Variants in TEAD1 observed in about 807,000 individuals in gnomAD.
The protein encoded by TEAD1 is transcriptional enhancer factor TEF-1.
TEAD1 carries 9 observed loss-of-function variants against 54.9 expected under a neutral mutation model. The ratio of observed to expected loss-of-function variants is 0.16; its 90% confidence interval spans 0.10 to 0.29. TEAD1 has a LOEUF of 0.29. Ranked by LOEUF, TEAD1 falls within the 10% of genes least tolerant of loss-of-function variation. TEAD1 has a pLI of 1.00. For missense variants in TEAD1, 387 were observed against 535.9 expected (o/e 0.72, Z 2.74); for synonymous variants, 200 against 187.8 (o/e 1.07, Z -0.53).
At chr11:12,857,217 A>T (rs1176240319) in intron 3 of TEAD1, among the ~76,000 whole-genome samples, 1 of 152,204 alleles carries the variant, frequency 6.6e-6, no homozygotes, top group African/African-American at 2.4e-5. Flanking sequence ...AATAAAATGA[A>T]ATAAAAACTA....
At chr11:12,818,510 A>G (rs1423033410) in intron 3 of TEAD1, among the ~76,000 whole-genome samples, 6 of 152,164 alleles carry the variant, frequency 3.9e-5, no homozygotes, top group African/African-American at 1.4e-4. Context: ...AATGGCCCTG[A>G]GTCCGGCATC....
At chr11:12,908,879 ATC>A (rs1417400881) in intron 10 of TEAD1, among the ~76,000 whole-genome samples, 16 of 79,626 alleles carry the variant, frequency 2.0e-4, no homozygotes, top group African/African-American at 3.4e-4. Flanking sequence ...ACTTCAAATT[ATC>A]TGTTTTTTTT....
chr11:12,864,679 A>C, intron 4 of TEAD1, 159 bp from the exon 5 acceptor site: 1 of 1,485,580 alleles, frequency 6.7e-7, no homozygotes, highest in Non-Finnish European at 8.9e-7. Context: ...AAACCCGAAC[A>C]ATGTAGGTGT....
chr11:12,733,726 T>C (rs1273763626), intron 2 of TEAD1, among the ~76,000 whole-genome samples: 4 of 152,228 alleles, frequency 2.6e-5, no homozygotes, highest in African/African-American at 9.6e-5. Context: ...TAACACTTGT[T>C]TGTGTGAATG....
At chr11:12,811,209 G>A (rs1189372471) in intron 3 of TEAD1, among the ~76,000 whole-genome samples, 2 of 152,206 alleles carry the variant, frequency 1.3e-5, no homozygotes, top group Non-Finnish European at 2.9e-5. Flanking sequence ...GCTTTCTTTC[G>A]CTGAAGCTTT....
intron 9 of TEAD1, among the ~76,000 whole-genome samples, chr11:12,899,288 C>T (rs1948377288): frequency 1.4e-5 from 1 of 73,636 alleles, no homozygotes; most frequent in Admixed American, 1.9e-4. Context: ...GGATACATAG[C>T]CAGTTGTCTA....
chr11:12,744,184 T>C (rs927121117), intron 2 of TEAD1, among the ~76,000 whole-genome samples: 3 of 152,170 alleles, frequency 2.0e-5, no homozygotes, highest in African/African-American at 7.2e-5. Flanking sequence ...AGACATGTCC[T>C]TTTTTTCAGA....
intron 2 of TEAD1, among the ~76,000 whole-genome samples, chr11:12,755,477 C>T (rs375078135): frequency 2.0e-5 from 3 of 151,978 alleles, no homozygotes; most frequent in African/African-American, 7.3e-5. Flanking sequence ...TTAGTCTACC[C>T]CAAGTGTATG....
intron 5 of TEAD1, among the ~76,000 whole-genome samples, chr11:12,865,901 A>G (rs1048697537): frequency 6.6e-6 from 1 of 152,178 alleles, no homozygotes; most frequent in Non-Finnish European, 1.5e-5. Flanking sequence ...CTATACAGTA[A>G]TTAAATTTGT....
At chr11:12,838,503 CAT>C (rs1307822738) in intron 3 of TEAD1, among the ~76,000 whole-genome samples, 49 of 152,258 alleles carry the variant, frequency 3.2e-4, no homozygotes, top group African/African-American at 1.1e-3. Context: ...AAATTAAAGA[CAT>C]GTTTCATGTG....
At chr11:12,915,062 C>G (rs2134148081) in intron 10 of TEAD1, among the ~76,000 whole-genome samples, 1 of 152,272 alleles carries the variant, frequency 6.6e-6, no homozygotes, top group Non-Finnish European at 1.5e-5. Flanking sequence ...TGGGGACAGT[C>G]CTCTTGATGT....
In TEAD1 at chr11:12,930,273, T is replaced by C. The variant is rs750268451; in HGVS notation, c.1114T>C (p.Leu372=). The change falls in exon 12 of 13, where the codon TTA becomes CTA. Residue 372 remains leucine (L), a synonymous_variant. Coordinates refer to ENST00000527636, the MANE Select transcript of TEAD1 (RefSeq NM_021961.6). Reference sequence around the variant, plus strand: ...CAACTTCATCCACAAGCTCAAACACTTACCAGAGAAATATATGATGAACAG... The same window carrying C: ...CAACTTCATCCACAAGCTCAAACACCTACCAGAGAAATATATGATGAACAG... The C allele has an allele frequency of 1.9e-6, 3 of 1,614,246 alleles. No homozygotes were observed. Among genetic ancestry groups the C allele is most frequent in the Middle Eastern group, 1.6e-4 (1 of 6,062 alleles).
chr11:12,880,107 G>T (rs1422145958), intron 6 of TEAD1, among the ~76,000 whole-genome samples: 2 of 152,176 alleles, frequency 1.3e-5, no homozygotes, highest in Non-Finnish European at 2.9e-5. Flanking sequence ...AAAATCAGAA[G>T]AGGAAGGAAT....
intron 5 of TEAD1, among the ~76,000 whole-genome samples, chr11:12,875,848 G>C (rs1478146961): frequency 6.6e-6 from 1 of 152,176 alleles, no homozygotes; most frequent in Non-Finnish European, 1.5e-5. Flanking sequence ...GCATTGAAAA[G>C]TATCTGTTTA....
chr11:12,768,333 A>C (rs1335200251), intron 3 of TEAD1, among the ~76,000 whole-genome samples: 1 of 152,222 alleles, frequency 6.6e-6, no homozygotes, highest in Non-Finnish European at 1.5e-5. Flanking sequence ...TATCTGGAAC[A>C]CCACCACCCC....
At chr11:12,703,604 G>C (rs538971833) in intron 2 of TEAD1, among the ~76,000 whole-genome samples, 28 of 152,220 alleles carry the variant, frequency 1.8e-4, no homozygotes, top group African/African-American at 5.8e-4. Flanking sequence ...CTTCGTTGTT[G>C]TTCTTCTTCC....
chr11:12,881,768 G>A, intron 7 of TEAD1, 128 bp from the exon 8 acceptor site: 1 of 914,326 alleles, frequency 1.1e-6, no homozygotes, highest in Non-Finnish European at 1.8e-6. Flanking sequence ...CCTGGGGTGT[G>A]CTACCACCTG....
intron 5 of TEAD1, among the ~76,000 whole-genome samples, chr11:12,875,043 A>G (rs1530179): frequency 0.12 from 18,360 of 152,178 alleles, 1,360 homozygotes; most frequent in South Asian, 0.26. Context: ...CCTGTAACCT[A>G]AGACTTCACA....
intron 2 of TEAD1, among the ~76,000 whole-genome samples, chr11:12,713,918 T>G (rs1357695843): frequency 1.3e-5 from 2 of 152,188 alleles, no homozygotes; most frequent in Non-Finnish European, 2.9e-5. Context: ...AGGAAAGCTT[T>G]CCAATTACTG....
Sources: allele counts gnomAD v4.1 joint callset (sites outside exome capture counted in the v4.1 genomes callset), GRCh38; gene constraint gnomAD v4.1.1; transcripts MANE v1.5; gene names NCBI Gene and HGNC (gene_info 2026-07-23, HGNC 2026-07-21).